SUGCT: variants seen among roughly 807,000 people sequenced by gnomAD.
The protein encoded by SUGCT is succinyl-CoA:glutarate CoA-transferase.
Under a neutral mutation model 55.0 loss-of-function variants are expected in SUGCT, and 41 were observed. The ratio of observed to expected loss-of-function variants is 0.74; its 90% confidence interval spans 0.58 to 0.97. The LOEUF is 0.97. Among genes scored for constraint, SUGCT ranks in the 50% least tolerant of loss-of-function variants. The pLI, the probability that SUGCT is intolerant of heterozygous loss-of-function variation, is 0.00. For missense variants in SUGCT, 568 were observed against 547.8 expected (o/e 1.04, Z -0.37); for synonymous variants, 187 against 200.4 (o/e 0.93, Z 0.56).
chr7:40,926,212 T>C, the SUGCT span, among the ~76,000 whole-genome samples: 1 of 152,276 alleles, frequency 6.6e-6, no homozygotes, highest in East Asian at 1.9e-4. Context: ...ACCATCCATG[T>C]TACTCAATAT....
At chr7:40,956,951 G>A in the SUGCT span, among the ~76,000 whole-genome samples, 3 of 151,952 alleles carry the variant, frequency 2.0e-5, no homozygotes, top group Non-Finnish European at 4.4e-5. Flanking sequence ...TTAATCCTGA[G>A]TGCTAATTTG....
At chr7:40,140,841 T>G (rs933480748) in intron 1 of SUGCT, among the ~76,000 whole-genome samples, 32 of 152,382 alleles carry the variant, frequency 2.1e-4, no homozygotes, top group African/African-American at 6.7e-4. Context: ...CGGGCTCATT[T>G]TTAGTTCCAT....
chr7:40,329,706 G>A (rs1184865587), intron 9 of SUGCT, among the ~76,000 whole-genome samples: 5 of 152,180 alleles, frequency 3.3e-5, no homozygotes, highest in Middle Eastern at 3.4e-3. Flanking sequence ...CAGGTGATTT[G>A]TTTTCCTTAG....
Position 40,860,515 on chromosome 7 carries a change from G to T in SUGCT, c.*36G>T. The T allele has an allele frequency of 6.3e-7, 1 of 1,582,064 alleles. No homozygotes were observed. Among genetic ancestry groups the T allele is most frequent in the South Asian group, 1.2e-5 (1 of 86,506 alleles). On this transcript the variant is annotated 3_prime_UTR_variant, in exon 14 of 14. Transcript: ENST00000335693. ...GGGCTCTTCCTCATAACCTCGATCCGAATACACTGGCAAAGGCAACACTTT... is the reference window on the plus strand; with the variant it reads ...GGGCTCTTCCTCATAACCTCGATCCTAATACACTGGCAAAGGCAACACTTT...
In SUGCT at chr7:40,189,586, A is replaced by G. The variant is rs1461925245; in HGVS notation, c.355A>G (p.Ile119Val). 2.1e-6 allele frequency: 3 copies of G among 1,413,992 alleles called. No homozygotes were observed. The highest frequency in any genetic ancestry group is 2.8e-6 in the Non-Finnish European group (3 of 1,061,338). The allele number at this position is 1,413,992 out of a possible 1,614,324, so 87.6% of individuals were successfully genotyped here. A position where few individuals can be genotyped will look rare whatever the true frequency, so the allele number is the denominator to read the frequency against. The change falls in exon 5 of 14, where the codon ATC becomes GTC. Residue 119 changes from isoleucine to valine, a missense_variant. Ile to Val is a conservative substitution (Grantham distance 29). Transcript: ENST00000335693. ...CAAGGATCCAAAAGGGGTGAAAATC[A>G]TCAAAGAGGTACAGTATGATGTATA... ...NIKDPKGVKI[I>V]KELAAVCDVF...
chr7:40,831,106 T>C (rs1792642651), intron 13 of SUGCT, among the ~76,000 whole-genome samples: 1 of 152,142 alleles, frequency 6.6e-6, no homozygotes, highest in Admixed American at 6.5e-5. Context: ...AAACAGAATG[T>C]ACCCCAGGCC....
chr7:40,281,690 A>T (rs561426209), intron 8 of SUGCT, among the ~76,000 whole-genome samples: 1 of 152,392 alleles, frequency 6.6e-6, no homozygotes, highest in African/African-American at 2.4e-5. Context: ...ATTTCAAAAT[A>T]TAATACAAAA....
intron 13 of SUGCT, among the ~76,000 whole-genome samples, chr7:40,801,800 A>G (rs1413818230): frequency 6.6e-6 from 1 of 152,124 alleles, no homozygotes; most frequent in Non-Finnish European, 1.5e-5. Flanking sequence ...TTTATGTAAT[A>G]TATGGTTTAT....
At chr7:41,030,887 G>A in the SUGCT span, among the ~76,000 whole-genome samples, 1 of 152,110 alleles carries the variant, frequency 6.6e-6, no homozygotes, top group Non-Finnish European at 1.5e-5. Flanking sequence ...GGGGAGTGCT[G>A]TAATGATTAC....
chr7:40,666,255 C>T (rs573326131), intron 12 of SUGCT, among the ~76,000 whole-genome samples: 48 of 151,694 alleles, frequency 3.2e-4, no homozygotes, highest in African/African-American at 1.0e-3. Context: ...GAGGCTGAGG[C>T]GGGAGTATCA....
At chr7:40,935,390 T>C in the SUGCT span, among the ~76,000 whole-genome samples, 1 of 152,216 alleles carries the variant, frequency 6.6e-6, no homozygotes, top group Non-Finnish European at 1.5e-5. Flanking sequence ...ATATCATTAG[T>C]TGTTACTTTG....
chr7:40,583,588 G>C (rs750977537), intron 12 of SUGCT, among the ~76,000 whole-genome samples: 14 of 152,092 alleles, frequency 9.2e-5, no homozygotes, highest in Non-Finnish European at 2.1e-4. Context: ...TTGAAAAGAA[G>C]GTTTCCACAT....
intron 8 of SUGCT, among the ~76,000 whole-genome samples, chr7:40,311,628 C>T (rs1341314125): frequency 2.0e-5 from 3 of 152,184 alleles, no homozygotes; most frequent in Non-Finnish European, 4.4e-5. Flanking sequence ...AGCTTTCGCA[C>T]ATGTTACTCT....
intron 1 of SUGCT, among the ~76,000 whole-genome samples, chr7:40,176,103 A>G (rs1784910301): frequency 6.6e-6 from 1 of 152,062 alleles, no homozygotes; most frequent in South Asian, 2.1e-4. Flanking sequence ...ATGGTGGCAC[A>G]TGCCTGTAAT....
intron 9 of SUGCT, among the ~76,000 whole-genome samples, chr7:40,443,133 T>C (rs1788612469): frequency 6.6e-6 from 1 of 152,254 alleles, no homozygotes; most frequent in African/African-American, 2.4e-5. Context: ...TGATGGACAT[T>C]TGGGTTAGTT....
chr7:40,900,988 G>A, the SUGCT span, among the ~76,000 whole-genome samples: 1 of 152,330 alleles, frequency 6.6e-6, no homozygotes, highest in East Asian at 1.9e-4. Flanking sequence ...AGAAAGAAAT[G>A]TTTGGATGGA....
intron 8 of SUGCT, among the ~76,000 whole-genome samples, chr7:40,284,348 C>T (rs1793171902): frequency 6.6e-6 from 1 of 151,922 alleles, no homozygotes; most frequent in Non-Finnish European, 1.5e-5. Flanking sequence ...TGGCTTATGC[C>T]TGTAATCCTA....
intron 7 of SUGCT, among the ~76,000 whole-genome samples, chr7:40,272,661 A>AT (rs201968545): frequency 6.1e-4 from 84 of 138,128 alleles, no homozygotes; most frequent in Middle Eastern, 3.8e-3. Flanking sequence ...TATTATTATT[A>AT]TTATTTTTTT....
chr7:40,522,107 G>A (rs1165952713), intron 12 of SUGCT, among the ~76,000 whole-genome samples: 1 of 152,038 alleles, frequency 6.6e-6, no homozygotes, highest in Non-Finnish European at 1.5e-5. Context: ...CCCCTTTTCT[G>A]TTTTTCTGCT....
Sources: allele counts gnomAD v4.1 joint callset (sites outside exome capture counted in the v4.1 genomes callset), GRCh38; gene constraint gnomAD v4.1.1; transcripts MANE v1.5; gene names NCBI Gene and HGNC (gene_info 2026-07-23, HGNC 2026-07-21).